MLLT1: variants seen among roughly 807,000 people sequenced by gnomAD.
MLLT1 encodes the protein MLLT1 super elongation complex subunit.
Under a neutral mutation model 55.1 loss-of-function variants are expected in MLLT1, and 11 were observed. That is an observed-to-expected ratio of 0.20 (90% confidence interval 0.13 to 0.33). The LOEUF (loss-of-function observed/expected upper bound fraction) is 0.33. Ranked by LOEUF, MLLT1 falls within the 10% of genes least tolerant of loss-of-function variation. MLLT1 has a pLI of 1.00. For missense variants in MLLT1, 536 were observed against 760.6 expected (o/e 0.70, Z 3.47); for synonymous variants, 323 against 320.1 (o/e 1.01, Z -0.10).
intron 3 of MLLT1, among the ~76,000 whole-genome samples, chr19:6,261,057 C>T (rs1161263402): frequency 6.6e-6 from 1 of 152,192 alleles, no homozygotes; most frequent in Admixed American, 6.5e-5. Flanking sequence ...GGCTGCTGTT[C>T]TCATTCCCCT....
intron 5 of MLLT1, among the ~76,000 whole-genome samples, chr19:6,223,008 G>A (rs867305463): frequency 2.8e-4 from 41 of 144,156 alleles, no homozygotes; most frequent in African/African-American, 7.9e-4. Flanking sequence ...GCCCGCACCC[G>A]CCCGCCCTAA....
At chr19:6,269,604 C>T (rs536162350) in intron 2 of MLLT1, among the ~76,000 whole-genome samples, 5 of 152,334 alleles carry the variant, frequency 3.3e-5, no homozygotes, top group South Asian at 4.1e-4. Flanking sequence ...GGCTGCAAAC[C>T]ACTTACAGGC....
chr19:6,231,075 G>C lies in MLLT1; in HGVS notation c.277-362C>G, dbSNP rs2091004574. 6.6e-6 allele frequency among the ~76,000 whole-genome samples: 1 copy of C among 152,182 alleles called. No individual in the cohort carries two copies. The highest frequency in any genetic ancestry group is 1.5e-5 in the Non-Finnish European group (1 of 68,036). On this transcript the variant is annotated intron_variant, in intron 3 of 11. Coordinates refer to ENST00000252674, the MANE Select transcript of MLLT1 (RefSeq NM_005934.4). This position sits in a 1 kb window ranked among gnomAD's most constrained non-coding sequence, Gnocchi z 5.1. ...CGTGGCAGCACTGAGACCTGCCCCA[G>C]GCCTCTGAGGCCCACAATCTCACCA...
chr19:6,218,027 G>A lies in MLLT1; in HGVS notation c.1125C>T (p.Ser375=). The A allele has an allele frequency of 6.2e-7, 1 of 1,610,052 alleles. No homozygotes were observed. The highest frequency in any genetic ancestry group is 8.5e-7 in the Non-Finnish European group (1 of 1,178,154). ...ASFKSESAQS[S]PSNSSSSSDS... ...CTGAGCTGGAGCTGGAGTTGGACGGGCTTGACTGGGCAGACTTCACCCAAT... is the reference window on the plus strand; with the variant it reads ...CTGAGCTGGAGCTGGAGTTGGACGGACTTGACTGGGCAGACTTCACCCAAT... The change falls in exon 7 of 12, where the codon AGC becomes AGT. Residue 375 remains serine (S), a synonymous_variant. Transcript: ENST00000252674.
At chr19:6,261,230 G>A (rs948562084) in intron 3 of MLLT1, among the ~76,000 whole-genome samples, 2 of 152,190 alleles carry the variant, frequency 1.3e-5, no homozygotes, top group Non-Finnish European at 2.9e-5. Context: ...TTCCAACAAA[G>A]CCTCAGAATG....
Position 6,212,472 on chromosome 19 carries a change from G to C in MLLT1, c.*570C>G. ...CGCACATGGACACTGCTCTTGACCA[G>C]ACAGTGCACACACATATATAATAGA... On this transcript the variant is annotated 3_prime_UTR_variant, in exon 12 of 12. Coordinates refer to ENST00000252674, the MANE Select transcript of MLLT1 (RefSeq NM_005934.4). The C allele has an allele frequency of 9.4e-7, 1 of 1,066,436 alleles. No individual in the cohort carries two copies. Among genetic ancestry groups the C allele is most frequent in the Non-Finnish European group, 1.1e-6 (1 of 880,086 alleles). 66.1% of individuals were successfully genotyped at this position (1,066,436 alleles called of 1,614,324 possible).
Position 6,213,135 on chromosome 19 carries a change from A to G in MLLT1, c.1587T>C (p.Asn529=). The G allele has an allele frequency of 2.5e-6, 4 of 1,613,934 alleles. No individual in the cohort carries two copies. Among genetic ancestry groups the G allele is most frequent in the Non-Finnish European group, 3.4e-6 (4 of 1,179,876 alleles). The part of the protein sequence containing the change: ...VNLIEETGHF[N]VTNTTFDFDL... ...CGAAGTCGAAGGTGGTGTTGGTGAC[A>G]TTGAAGTGGCCAGTCTCCTCGATCA... is the stretch of plus-strand genomic sequence containing the variant. Residue 529 remains asparagine, a synonymous_variant, in exon 12 of 12, where the codon AAT becomes AAC. Coordinates refer to ENST00000252674, the MANE Select transcript of MLLT1 (RefSeq NM_005934.4).
intron 3 of MLLT1, among the ~76,000 whole-genome samples, chr19:6,252,555 T>C (rs1351719938): frequency 6.6e-6 from 1 of 152,120 alleles, no homozygotes; most frequent in Admixed American, 6.5e-5. Flanking sequence ...AAACACAATA[T>C]ATCGAAACAT....
chr19:6,260,187 G>A (rs1040026969), intron 3 of MLLT1, among the ~76,000 whole-genome samples: 6 of 151,732 alleles, frequency 4.0e-5, no homozygotes, highest in Admixed American at 2.6e-4. Flanking sequence ...CTGCCCTCTC[G>A]ACACCCCCAC....
In MLLT1 at chr19:6,227,981, C is replaced by T. The variant is rs956110297; in HGVS notation, c.421-879G>A. 1.3e-5 allele frequency among the ~76,000 whole-genome samples: 2 copies of T among 152,196 alleles called. No individual in the cohort carries two copies. Among genetic ancestry groups the T allele is most frequent in the African/African-American group, 4.8e-5 (2 of 41,452 alleles). On this transcript the variant is annotated intron_variant, in intron 4 of 11. Transcript: ENST00000252674. This position sits in a 1 kb window ranked among gnomAD's most constrained non-coding sequence, Gnocchi z 5.1. ...AAGAAGCACTGCTAACAGCCTTGAG[C>T]ACCTGCAGTTCCCGGCCAGCCAAGC...
rs541346310 is a variant in MLLT1, at chr19:6,241,589, GCCTTGGAGGT to G, written c.277-10886_277-10877del. 1.1e-4 allele frequency among the ~76,000 whole-genome samples: 17 copies of G among 152,370 alleles called. No individual in the cohort carries two copies. The East Asian group carries it at 3.1e-3, about 28-fold the overall frequency. On this transcript the variant is annotated intron_variant, in intron 3 of 11. Coordinates refer to ENST00000252674, the MANE Select transcript of MLLT1 (RefSeq NM_005934.4). ...GCCTCTGGGCCGTCCCACCGTCCCAGCCTTGGAGGTCCTGGGGTGGCCGTGGCGGGCGCAG... is the reference window on the plus strand; with the variant it reads ...GCCTCTGGGCCGTCCCACCGTCCCAGCCTGGGGTGGCCGTGGCGGGCGCAG...
At position 6,240,150 on chromosome 19, in the gene MLLT1, G is replaced by A. The variant is rs931501476; in HGVS notation, c.277-9437C>T. Reference sequence around the variant, plus strand: ...GCCTCTGGCTGGGAGGACAGTGTGGGCAGCATTAGCCCAGGCCCCTTCACG... The same window carrying A: ...GCCTCTGGCTGGGAGGACAGTGTGGACAGCATTAGCCCAGGCCCCTTCACG... On this transcript the variant is annotated intron_variant, in intron 3 of 11. Coordinates refer to ENST00000252674, the MANE Select transcript of MLLT1 (RefSeq NM_005934.4). This position sits in a 1 kb window ranked among gnomAD's most constrained non-coding sequence, Gnocchi z 4.7. 1.3e-5 allele frequency among the ~76,000 whole-genome samples: 2 copies of A among 152,170 alleles called. No homozygotes were observed. Among genetic ancestry groups the A allele is most frequent in the African/African-American group, 4.8e-5 (2 of 41,450 alleles).
In MLLT1 at chr19:6,249,655, T is replaced by A. The variant is rs192205650; in HGVS notation, c.276+12573A>T. ...AGCTGGAGCCCCCAGCTCAGGGAAGTTCCCATCACACATCCAGTCTGCCCA... is the reference window on the plus strand; with the variant it reads ...AGCTGGAGCCCCCAGCTCAGGGAAGATCCCATCACACATCCAGTCTGCCCA... On this transcript the variant is annotated intron_variant, in intron 3 of 11. Transcript: ENST00000252674. Among the ~76,000 whole-genome samples, 189 of 152,264 alleles carry A rather than the reference T, an allele frequency of 1.2e-3. 1 individual carries two copies. Among genetic ancestry groups the A allele is most frequent in the African/African-American group, 4.2e-3 (176 of 41,538 alleles).
intron 3 of MLLT1, among the ~76,000 whole-genome samples, chr19:6,253,624 C>T (rs1313841321): frequency 6.6e-6 from 1 of 152,078 alleles, no homozygotes; most frequent in Non-Finnish European, 1.5e-5. Flanking sequence ...AGATTATATA[C>T]CATAACCAAG....
intron 5 of MLLT1, among the ~76,000 whole-genome samples, chr19:6,223,866 G>A (rs2090928956): frequency 6.6e-6 from 1 of 152,168 alleles, no homozygotes; most frequent in African/African-American, 2.4e-5. Context: ...ACCCTTGCTA[G>A]GAAAGGAGCA....
At chr19:6,271,227 C>T (rs1023691760) in intron 1 of MLLT1, among the ~76,000 whole-genome samples, 2 of 152,316 alleles carry the variant, frequency 1.3e-5, no homozygotes, top group South Asian at 2.1e-4. Context: ...GATGCTCTTC[C>T]GAGCACTTTC....
chr19:6,222,557 C>T lies in MLLT1; in HGVS notation c.674G>A (p.Ser225Asn). 2 of 1,601,208 alleles carry T rather than the reference C, an allele frequency of 1.2e-6. No homozygotes were observed. The highest frequency in any genetic ancestry group is 1.7e-6 in the Non-Finnish European group (2 of 1,179,772). Reference protein sequence around the residue: ...SKELEREQAKSSKDTSRKLGE... With the variant: ...SKELEREQAKNSKDTSRKLGE... The stretch of plus-strand genomic sequence containing the variant: ...CAGCTTCCGCGAGGTGTCCTTGGAG[C>T]TTTTGGCCTGCTCACGCTCCAGCTC... Residue 225 changes from serine to asparagine, a missense_variant, in exon 6 of 12, where the codon AGC becomes AAC. By Grantham distance (46) the Ser-to-Asn change is conservative (BLOSUM62 1). Coordinates refer to ENST00000252674, the MANE Select transcript of MLLT1 (RefSeq NM_005934.4). The surrounding 1 kb of genome is among the most constrained non-coding windows in gnomAD (Gnocchi z 4.1).
chr19:6,223,466 G>T (rs1019570955), intron 5 of MLLT1, among the ~76,000 whole-genome samples: 1 of 152,226 alleles, frequency 6.6e-6, no homozygotes, highest in African/African-American at 2.4e-5. Flanking sequence ...GATGATGGCA[G>T]AGAGCAGCAG....
rs938676476 is a variant in MLLT1, at chr19:6,245,567, C to G, written c.277-14854G>C. Among the ~76,000 whole-genome samples the G allele has an allele frequency of 1.4e-4, 21 of 151,988 alleles. 1 individual carries two copies. The highest frequency in any genetic ancestry group is 5.9e-5 in the Non-Finnish European group (4 of 68,004). ...CTACTAAAAATACAAAAAAATTAGC[C>G]GGGCATGCTGGCAGGCACCTGTAGT... On this transcript the variant is annotated intron_variant, in intron 3 of 11. Transcript: ENST00000252674.
Sources: allele counts gnomAD v4.1 joint callset (sites outside exome capture counted in the v4.1 genomes callset), GRCh38; gene constraint gnomAD v4.1.1; non-coding constraint Gnocchi (gnomAD v3.1); transcripts MANE v1.5; gene names NCBI Gene and HGNC (gene_info 2026-07-23, HGNC 2026-07-21).